Variants in PTPN9 observed in about 807,000 individuals in gnomAD.
PTPN9 encodes protein tyrosine phosphatase non-receptor type 9, also known as tyrosine-protein phosphatase non-receptor type 9.
Under a neutral mutation model 69.8 loss-of-function variants are expected in PTPN9, and 26 were observed. The observed-to-expected ratio is 0.37, with a 90% CI of 0.27 to 0.52. PTPN9 has a LOEUF of 0.52. Among genes scored for constraint, PTPN9 ranks in the 20% least tolerant of loss-of-function variants. The pLI is 0.91. For missense variants in PTPN9, 549 were observed against 740.3 expected (o/e 0.74, Z 3.00); for synonymous variants, 274 against 272.5 (o/e 1.01, Z -0.05).
intron 10 of PTPN9, among the ~76,000 whole-genome samples, chr15:75,472,576 G>A (rs926071002): frequency 1.3e-5 from 2 of 151,846 alleles, no homozygotes; most frequent in Non-Finnish European, 1.5e-5. Context: ...AACAGATCAC[G>A]AGGTCAGGAG....
chr15:75,504,536 C>A (rs2074803906), intron 7 of PTPN9, among the ~76,000 whole-genome samples: 1 of 141,456 alleles, frequency 7.1e-6, no homozygotes, highest in Non-Finnish European at 1.6e-5. Context: ...CCCCGCCCAG[C>A]CAGCCGCCCC....
At position 75,578,819 on chromosome 15, in the gene PTPN9, C is replaced by A; in HGVS notation, c.-43G>T. ...CGGGCGGACAAAACTCGCTCGCGAG[C>A]GCGGGAGCCCGGCGCGCTCGGCCTC... is the stretch of plus-strand genomic sequence containing the variant. On this transcript the variant is annotated 5_prime_UTR_variant, in exon 1 of 13. Transcript: ENST00000618819. 2.5e-6 allele frequency: 3 copies of A among 1,186,130 alleles called. No individual in the cohort carries two copies. Among genetic ancestry groups the A allele is most frequent in the Non-Finnish European group, 3.1e-6 (3 of 954,992 alleles). The allele number at this position is 1,186,130 out of a possible 1,614,324, so 73.5% of individuals were successfully genotyped here.
At chr15:75,501,686 G>T (rs1187840531) in intron 7 of PTPN9, among the ~76,000 whole-genome samples, 1 of 151,830 alleles carries the variant, frequency 6.6e-6, no homozygotes, top group Non-Finnish European at 1.5e-5. Context: ...TCAAACTCCT[G>T]GGCACAAATG....
At chr15:75,537,351 CAA>C (rs1314961729) in intron 1 of PTPN9, among the ~76,000 whole-genome samples, 171 of 29,818 alleles carry the variant, frequency 5.7e-3, no homozygotes, top group African/African-American at 0.019. Context: ...GACTCCGTCT[CAA>C]AAAAAAAAAA....
chr15:75,556,739 A>G (rs2075079435), intron 1 of PTPN9, among the ~76,000 whole-genome samples: 1 of 152,238 alleles, frequency 6.6e-6, no homozygotes, highest in Non-Finnish European at 1.5e-5. Flanking sequence ...ATTCCTAAAT[A>G]TGCAATTCAG....
At chr15:75,539,648 T>G (rs1047438947) in intron 1 of PTPN9, among the ~76,000 whole-genome samples, 11 of 151,696 alleles carry the variant, frequency 7.3e-5, no homozygotes, top group Non-Finnish European at 1.2e-4. Flanking sequence ...GGTAGAAATG[T>G]TCACCCATTT....
At chr15:75,504,877 G>A (rs1459555492) in intron 7 of PTPN9, among the ~76,000 whole-genome samples, 2 of 151,666 alleles carry the variant, frequency 1.3e-5, no homozygotes, top group African/African-American at 4.9e-5. Context: ...CCCCGTCCGG[G>A]AGGTGAGGGG....
At chr15:75,493,979 A>T (rs1239128268) in intron 7 of PTPN9, among the ~76,000 whole-genome samples, 1 of 152,002 alleles carries the variant, frequency 6.6e-6, no homozygotes, top group African/African-American at 2.4e-5. Context: ...TTGTTTTTGT[A>T]AATAATGTTT....
chr15:75,463,438 G>A lies in PTPN9; in HGVS notation c.*5331C>T, dbSNP rs1194875829. On this transcript the variant is annotated 3_prime_UTR_variant, in exon 13 of 13. Transcript: ENST00000618819. ...GTAGTAGATTATAATGTGCGGGGAG[G>A]GGAGACGGACGTGAGCCTGGAGTCT... 6 of 152,194 alleles carry A rather than the reference G, an allele frequency of 3.9e-5. No homozygotes were observed. The highest frequency in any genetic ancestry group is 4.4e-5 in the Non-Finnish European group (3 of 68,072). 9.4% of individuals were successfully genotyped at this position (152,194 alleles called of 1,614,324 possible).
intron 4 of PTPN9, among the ~76,000 whole-genome samples, chr15:75,520,806 G>GA (rs2074900897): frequency 6.6e-6 from 1 of 151,726 alleles, no homozygotes. Flanking sequence ...TGAGCCACCA[G>GA]AATATATATA....
At chr15:75,553,287 C>G (rs1271127411) in intron 1 of PTPN9, among the ~76,000 whole-genome samples, 1 of 152,160 alleles carries the variant, frequency 6.6e-6, no homozygotes. Flanking sequence ...AGACTTGAAT[C>G]TGTGAATCAA....
intron 3 of PTPN9, among the ~76,000 whole-genome samples, chr15:75,523,939 T>C (rs1470983888): frequency 6.6e-5 from 10 of 151,980 alleles, no homozygotes; most frequent in Admixed American, 6.6e-5. Context: ...GGATAAGGTA[T>C]ATAGGAACAA....
chr15:75,568,806 C>T (rs561587466), intron 1 of PTPN9, among the ~76,000 whole-genome samples: 1 of 152,250 alleles, frequency 6.6e-6, no homozygotes, highest in East Asian at 1.9e-4. Context: ...CACTGCACTT[C>T]AGCCTGGGCA....
At chr15:75,488,735 A>G (rs1422710421) in intron 8 of PTPN9, among the ~76,000 whole-genome samples, 1 of 152,202 alleles carries the variant, frequency 6.6e-6, no homozygotes, top group Non-Finnish European at 1.5e-5. Flanking sequence ...TCAAGGGTGC[A>G]GTGAGCTACG....
At chr15:75,484,283 A>G (rs750989548) in intron 8 of PTPN9, among the ~76,000 whole-genome samples, 14 of 152,210 alleles carry the variant, frequency 9.2e-5, no homozygotes, top group Non-Finnish European at 1.8e-4. Context: ...ACAGGACCAA[A>G]TGAGAGGCAA....
At chr15:75,488,035 C>G (rs536950169) in intron 8 of PTPN9, among the ~76,000 whole-genome samples, 13 of 152,248 alleles carry the variant, frequency 8.5e-5, no homozygotes, top group Non-Finnish European at 1.5e-4. Flanking sequence ...AATCCCAGCA[C>G]TTTGGGAGGC....
intron 1 of PTPN9, among the ~76,000 whole-genome samples, chr15:75,531,724 A>G (rs1165548684): frequency 2.0e-5 from 3 of 151,546 alleles, no homozygotes; most frequent in African/African-American, 7.3e-5. Flanking sequence ...ACACCCGGCT[A>G]ATTTTTTTGT....
chr15:75,473,800 T>C, intron 9 of PTPN9, 33 bp from the exon 10 acceptor site: 1 of 1,497,316 alleles, frequency 6.7e-7, no homozygotes, highest in Non-Finnish European at 9.3e-7. Context: ...GAAACATGAC[T>C]CTGGGAAACA....
intron 7 of PTPN9, among the ~76,000 whole-genome samples, chr15:75,494,481 T>C (rs1229816124): frequency 2.0e-5 from 3 of 151,594 alleles, no homozygotes; most frequent in East Asian, 4.0e-4. Context: ...GCCTCCCGAG[T>C]AGCTGGGATT....
Sources: allele counts gnomAD v4.1 joint callset (sites outside exome capture counted in the v4.1 genomes callset), GRCh38; gene constraint gnomAD v4.1.1; transcripts MANE v1.5; gene names NCBI Gene and HGNC (gene_info 2026-07-23, HGNC 2026-07-21).